The following ERBB4 variants were observed in gnomAD, a reference collection of about 807,000 sequenced individuals.
The protein encoded by ERBB4 is receptor tyrosine-protein kinase erbB-4.
A neutral mutation model predicts 158.0 loss-of-function variants in ERBB4; 42 were observed. That is an observed-to-expected ratio of 0.27 (90% CI 0.21 to 0.34). The LOEUF (loss-of-function observed/expected upper bound fraction) is 0.34. Ranked by LOEUF, ERBB4 falls within the 10% of genes least tolerant of loss-of-function variation. ERBB4 has a pLI of 1.00. For synonymous variants in ERBB4, 583 were observed against 558.7 expected, an observed-to-expected ratio of 1.04 and a Z score of -0.61; for missense variants, 1,333 against 1,624.1, an observed-to-expected ratio of 0.82 and a Z score of 3.08.
chr2:212,336,550 T>C (rs146403651), intron 1 of ERBB4, among the ~76,000 whole-genome samples: 112 of 152,184 alleles, frequency 7.4e-4, no homozygotes, highest in African/African-American at 2.6e-3. Flanking sequence ...AAGTCATTTA[T>C]GACATAGAAG....
intron 2 of ERBB4, among the ~76,000 whole-genome samples, chr2:211,951,739 T>A (rs1279293418): frequency 6.6e-6 from 1 of 152,052 alleles, no homozygotes; most frequent in Non-Finnish European, 1.5e-5. Flanking sequence ...CCAAAATAAG[T>A]CTCTGTCATT....
chr2:212,484,633 C>T (rs1193257786), intron 1 of ERBB4, among the ~76,000 whole-genome samples: 4 of 152,090 alleles, frequency 2.6e-5, no homozygotes, highest in Non-Finnish European at 4.4e-5. Context: ...CAAACAAAAA[C>T]CTCAGTGTCT....
intron 15 of ERBB4, among the ~76,000 whole-genome samples, chr2:211,662,038 CAAAAAAAAAAAAAAAAAAAAAAAAAAAAA>C (rs61318918): frequency 0.04 from 1,572 of 39,790 alleles, 52 homozygotes; most frequent in South Asian, 0.27. Flanking sequence ...GACTCCGTCT[CAAAAAAAAAAAAAAAAAAAAAAAAAAAAA>C]AAAAAAAAAA....
intron 17 of ERBB4, among the ~76,000 whole-genome samples, chr2:211,628,175 T>A (rs1458705986): frequency 6.7e-6 from 1 of 148,254 alleles, no homozygotes; most frequent in Non-Finnish European, 1.5e-5. Flanking sequence ...TTTTTTTTTT[T>A]TAATTATTAT....
intron 20 of ERBB4, among the ~76,000 whole-genome samples, chr2:211,539,779 G>C (rs2066749547): frequency 6.6e-6 from 1 of 151,896 alleles, no homozygotes; most frequent in African/African-American, 2.4e-5. Flanking sequence ...AAATACAAAG[G>C]GAGGTTTTTT....
At chr2:211,745,750 G>GGA (rs2106195874) in intron 5 of ERBB4, among the ~76,000 whole-genome samples, 1 of 120,638 alleles carries the variant, frequency 8.3e-6, no homozygotes, top group Admixed American at 8.3e-5. Flanking sequence ...AAAACCCTTA[G>GGA]GTAAGTATAC....
chr2:211,464,418 G>A (rs779150043), intron 20 of ERBB4, among the ~76,000 whole-genome samples: 2 of 152,122 alleles, frequency 1.3e-5, no homozygotes, highest in Admixed American at 6.6e-5. Context: ...AGGTATGACT[G>A]AAGTTCTTCA....
Position 211,377,246 on chromosome 2 carries a change from G to C in ERBB4, c.*6369C>G. ...AAAACCAGATTCGTGTCAATATACA[G>C]GAGGTATGATTTGCTTTCCTTCACA... is the stretch of plus-strand genomic sequence containing the variant. On this transcript the variant is annotated 3_prime_UTR_variant, in exon 28 of 28. Coordinates refer to ENST00000342788, the MANE Select transcript of ERBB4 (RefSeq NM_005235.3). The C allele has an allele frequency of 4.3e-6, 1 of 233,118 alleles. No individual in the cohort carries two copies. Among genetic ancestry groups the C allele is most frequent in the Non-Finnish European group, 8.5e-6 (1 of 117,702 alleles). 14.4% of individuals were successfully genotyped at this position (233,118 alleles called of 1,614,324 possible).
At chr2:212,393,858 A>T (rs1365896591) in intron 1 of ERBB4, among the ~76,000 whole-genome samples, 2 of 152,114 alleles carry the variant, frequency 1.3e-5, no homozygotes, top group Non-Finnish European at 2.9e-5. Context: ...TAGGCCAATG[A>T]AATAGTAAAA....
chr2:211,895,287 C>G (rs2079068831), intron 3 of ERBB4, among the ~76,000 whole-genome samples: 1 of 152,138 alleles, frequency 6.6e-6, no homozygotes, highest in African/African-American at 2.4e-5. Context: ...GACAGGGTCT[C>G]TCTCCGTCAC....
At chr2:212,077,435 G>A (rs186030883) in intron 2 of ERBB4, among the ~76,000 whole-genome samples, 1 of 152,104 alleles carries the variant, frequency 6.6e-6, no homozygotes, top group East Asian at 1.9e-4. Context: ...GTTTGTGTGT[G>A]TGTAATGGAA....
At chr2:211,871,946 A>G (rs757506123) in intron 3 of ERBB4, among the ~76,000 whole-genome samples, 16 of 152,132 alleles carry the variant, frequency 1.1e-4, no homozygotes, top group Non-Finnish European at 2.2e-4. Flanking sequence ...AAGGGGAGGA[A>G]GTTACTAAGA....
chr2:211,590,774 C>A (rs1240198942), intron 19 of ERBB4, among the ~76,000 whole-genome samples: 1 of 152,186 alleles, frequency 6.6e-6, no homozygotes, highest in Non-Finnish European at 1.5e-5. Context: ...GGGAAATCGG[C>A]TCTTTCTAGG....
rs532800252 is a variant in ERBB4 at position 211,482,509 on chromosome 2, T to A, written c.2488-51409A>T. On this transcript the variant is annotated intron_variant, in intron 20 of 27. Transcript: ENST00000342788. ...TCAAGAATATCTATGGGAATAAAAA[T>A]AACCTAACTTTCAACAAGTCAAAAT... Among the ~76,000 whole-genome samples the A allele has an allele frequency of 7.9e-5, 12 of 152,280 alleles. No homozygotes were observed. In the East Asian group the frequency reaches 1.9e-3, roughly 24 times the overall value.
intron 19 of ERBB4, among the ~76,000 whole-genome samples, chr2:211,588,625 C>T (rs928161303): frequency 6.6e-6 from 1 of 152,064 alleles, no homozygotes; most frequent in African/African-American, 2.4e-5. Context: ...TACCATTTTA[C>T]AGATGATAAA....
chr2:212,187,450 A>C (rs1177393147), intron 1 of ERBB4, among the ~76,000 whole-genome samples: 1 of 149,848 alleles, frequency 6.7e-6, no homozygotes, highest in Admixed American at 6.6e-5. Context: ...TAAATAAATA[A>C]AGATGTTAAT....
At chr2:211,703,867 T>G (rs1226406816) in intron 11 of ERBB4, among the ~76,000 whole-genome samples, 1 of 152,186 alleles carries the variant, frequency 6.6e-6, no homozygotes, top group Admixed American at 6.5e-5. Flanking sequence ...CCCTCCATAC[T>G]TGCAAAATAC....
intron 20 of ERBB4, among the ~76,000 whole-genome samples, chr2:211,548,514 T>C (rs147181788): frequency 6.6e-4 from 100 of 152,206 alleles, no homozygotes; most frequent in Non-Finnish European, 1.0e-3. Flanking sequence ...CATCACACTG[T>C]AGTAGTTATA....
At chr2:211,578,057 T>C (rs1160278441) in intron 19 of ERBB4, among the ~76,000 whole-genome samples, 2 of 152,120 alleles carry the variant, frequency 1.3e-5, no homozygotes, top group Non-Finnish European at 2.9e-5. Flanking sequence ...GAAAACCCCA[T>C]TGTCTCAGGC....
Sources: allele counts gnomAD v4.1 joint callset (sites outside exome capture counted in the v4.1 genomes callset), GRCh38; gene constraint gnomAD v4.1.1; transcripts MANE v1.5; gene names NCBI Gene and HGNC (gene_info 2026-07-23, HGNC 2026-07-21).